Variants in KCNQ1 observed in about 807,000 individuals in gnomAD.
KCNQ1 encodes potassium voltage-gated channel subfamily Q member 1.
A neutral mutation model predicts 72.4 loss-of-function variants in KCNQ1; 49 were observed. That is an observed-to-expected ratio of 0.68 (90% CI 0.54 to 0.86). The LOEUF is 0.86. Ranked by LOEUF, KCNQ1 falls within the 40% of genes least tolerant of loss-of-function variation. The probability of loss-of-function intolerance (pLI) is 0.00; values close to 1 mark genes in which losing one functional copy is unlikely to be tolerated. For missense variants in KCNQ1, 790 were observed against 945.1 expected (o/e 0.84, Z 2.15); for synonymous variants, 450 against 412.6 (o/e 1.09, Z -1.10).
At chr11:2,539,093 G>A (rs1266859912) in intron 2 of KCNQ1, among the ~76,000 whole-genome samples, 1 of 152,178 alleles carries the variant, frequency 6.6e-6, no homozygotes, top group Non-Finnish European at 1.5e-5. Context: ...GGGCAGCCGA[G>A]GCATGAGTGG....
chr11:2,739,158 T>A (rs1210736141), intron 11 of KCNQ1, among the ~76,000 whole-genome samples: 2 of 152,182 alleles, frequency 1.3e-5, no homozygotes, highest in Non-Finnish European at 2.9e-5. Flanking sequence ...GTACCCCACA[T>A]GTGTGCCCAG....
At chr11:2,597,516 G>C (rs1038713341) in intron 10 of KCNQ1, among the ~76,000 whole-genome samples, 2 of 152,084 alleles carry the variant, frequency 1.3e-5, no homozygotes, top group African/African-American at 4.8e-5. Flanking sequence ...ACTGATGCAG[G>C]ACATCCCTGA....
intron 10 of KCNQ1, chr11:2,656,139 C>T (rs901915554): frequency 2.5e-6 from 1 of 398,522 alleles, no homozygotes; most frequent in African/African-American, 2.1e-5. Context: ...ATCGTTCCTT[C>T]TACATACAAG....
rs906424215 is a variant in KCNQ1, at chr11:2,484,023, G to T, written c.386+38539G>T. ...TATTTCCCACTTTCTTTCTATGTTTGTTAATTTGGATTCTTCTCCAGGAAG... is the reference window on the plus strand; with the variant it reads ...TATTTCCCACTTTCTTTCTATGTTTTTTAATTTGGATTCTTCTCCAGGAAG... On this transcript the variant is annotated intron_variant, in intron 1 of 15. Transcript: ENST00000155840. The surrounding 1 kb of genome is among the most constrained non-coding windows in gnomAD (Gnocchi z 5.2). Among the ~76,000 whole-genome samples the T allele has an allele frequency of 9.2e-5, 14 of 152,110 alleles. No homozygotes were observed. The highest frequency in any genetic ancestry group is 1.8e-4 in the Non-Finnish European group (12 of 68,028).
chr11:2,605,467 T>A (rs1049339253), intron 10 of KCNQ1, among the ~76,000 whole-genome samples: 2 of 152,230 alleles, frequency 1.3e-5, no homozygotes, highest in Non-Finnish European at 2.9e-5. Flanking sequence ...TTAATTTTTA[T>A]ATATGATGTG....
At chr11:2,571,219 G>C in intron 3 of KCNQ1, 106 bp from the exon 4 acceptor site, 1 of 932,374 alleles carries the variant, frequency 1.1e-6, no homozygotes, top group Non-Finnish European at 1.8e-6. Context: ...GGCGTGACCC[G>C]TCTGACCAGC....
chr11:2,665,290 CAT>C, intron 11 of KCNQ1: 1 of 398,472 alleles, frequency 2.5e-6, no homozygotes, highest in Non-Finnish European at 4.4e-6. Flanking sequence ...CACCCAGAAC[CAT>C]ATGACAGGGC....
At chr11:2,628,509 G>A (rs1849297014) in intron 10 of KCNQ1, 1 of 398,216 alleles carries the variant, frequency 2.5e-6, no homozygotes, top group African/African-American at 2.1e-5. Context: ...TTTTTTGCTA[G>A]TTATATGAGT....
At chr11:2,460,680 G>A (rs1053001736) in intron 1 of KCNQ1, among the ~76,000 whole-genome samples, 12 of 152,222 alleles carry the variant, frequency 7.9e-5, no homozygotes, top group African/African-American at 2.2e-4. Flanking sequence ...GCTGGGGAAC[G>A]CTGGGGACTC....
chr11:2,478,954 C>T lies in KCNQ1; in HGVS notation c.386+33470C>T, dbSNP rs1052241685. 3.9e-5 allele frequency among the ~76,000 whole-genome samples: 6 copies of T among 152,198 alleles called. No individual in the cohort carries two copies. Among genetic ancestry groups the T allele is most frequent in the South Asian group, 2.1e-4 (1 of 4,834 alleles). Reference sequence around the variant, plus strand: ...TTGAAATGGGAGTAATTGGCCAAAACGAAGGGGCTAAAGGCCCCATGCAAG... The same window carrying T: ...TTGAAATGGGAGTAATTGGCCAAAATGAAGGGGCTAAAGGCCCCATGCAAG... On this transcript the variant is annotated intron_variant, in intron 1 of 15. Transcript: ENST00000155840. The surrounding 1 kb of genome is among the most constrained non-coding windows in gnomAD (Gnocchi z 4.0).
chr11:2,808,865 A>AATGG lies in KCNQ1; in HGVS notation c.1794+30840_1794+30843dup, dbSNP rs751566224. ...TGTATGGAGGATTAGGGGAGGGATA[A>AATGG]ATGGATGGATGGATGAACACATGGA... On this transcript the variant is annotated intron_variant, in intron 15 of 15. Coordinates refer to ENST00000155840, the MANE Select transcript of KCNQ1 (RefSeq NM_000218.3). This position sits in a 1 kb window ranked among gnomAD's most constrained non-coding sequence, Gnocchi z 6.0. Among the ~76,000 whole-genome samples the AATGG allele has an allele frequency of 2.0e-5, 3 of 152,102 alleles. No homozygotes were observed. Among genetic ancestry groups the AATGG allele is most frequent in the Non-Finnish European group, 4.4e-5 (3 of 68,032 alleles).
chr11:2,452,415 A>G (rs1846130052), intron 1 of KCNQ1, among the ~76,000 whole-genome samples: 1 of 152,112 alleles, frequency 6.6e-6, no homozygotes, highest in African/African-American at 2.4e-5. Context: ...TGTGTCCTCG[A>G]CTTCCACGCA....
chr11:2,781,575 T>G lies in KCNQ1; in HGVS notation c.1794+3538T>G, dbSNP rs1846823261. Among the ~76,000 whole-genome samples the G allele has an allele frequency of 6.6e-6, 1 of 152,172 alleles. No individual in the cohort carries two copies. Among genetic ancestry groups the G allele is most frequent in the South Asian group, 2.1e-4 (1 of 4,836 alleles). ...TCCCACACAGGGCTGGCAGTCTGTG[T>G]GGGGGCTGCATACCCCAGACATTCT... On this transcript the variant is annotated intron_variant, in intron 15 of 15. Transcript: ENST00000155840. The surrounding 1 kb of genome is among the most constrained non-coding windows in gnomAD (Gnocchi z 6.6).
In KCNQ1 at chr11:2,564,102, C is replaced by T. The variant is rs575737907; in HGVS notation, c.478-6526C>T. The stretch of plus-strand genomic sequence containing the variant: ...TTTCAGTATCAGAGAACACACATAA[C>T]GTAAAATTCACCATTTCAGCCATTT... On this transcript the variant is annotated intron_variant, in intron 2 of 15. Coordinates refer to ENST00000155840, the MANE Select transcript of KCNQ1 (RefSeq NM_000218.3). This position sits in a 1 kb window ranked among gnomAD's most constrained non-coding sequence, Gnocchi z 4.5. Among the ~76,000 whole-genome samples the T allele has an allele frequency of 2.2e-3, 334 of 152,346 alleles. 10 individuals carry two copies. Among genetic ancestry groups the T allele is most frequent in the Admixed American group, 0.018 (281 of 15,312 alleles).
intron 10 of KCNQ1, among the ~76,000 whole-genome samples, chr11:2,591,722 C>G (rs778297437): frequency 7.2e-5 from 11 of 152,244 alleles, no homozygotes; most frequent in African/African-American, 9.6e-5. Context: ...GGGGCAAGTG[C>G]GGAGAAAGTC....
At chr11:2,777,700 G>A in intron 14 of KCNQ1, 1 of 601,890 alleles carries the variant, frequency 1.7e-6, no homozygotes, top group Non-Finnish European at 3.0e-6. Context: ...AGCTGGCAGT[G>A]TGGCCAGCTT....
rs961866068 is a variant in KCNQ1, at chr11:2,559,799, G to T, written c.478-10829G>T. Among the ~76,000 whole-genome samples, 8 of 152,056 alleles carry T rather than the reference G, an allele frequency of 5.3e-5. No homozygotes were observed. The highest frequency in any genetic ancestry group is 1.9e-4 in the African/African-American group (8 of 41,412). ...AGAGATGGCCGCCAGCTGTGGGAAG[G>T]CCTGTGGCTAGGGCTCTGCTGCCTG... is the stretch of plus-strand genomic sequence containing the variant. On this transcript the variant is annotated intron_variant, in intron 2 of 15. Transcript: ENST00000155840. The surrounding 1 kb of genome is among the most constrained non-coding windows in gnomAD (Gnocchi z 4.9).
Position 2,645,649 on chromosome 11 carries a change from C to A in KCNQ1, c.1394-16312C>A, listed in dbSNP as rs551695922. The A allele has an allele frequency of 5.0e-6, 2 of 398,672 alleles. No individual in the cohort carries two copies. Among genetic ancestry groups the A allele is most frequent in the Non-Finnish European group, 4.4e-6 (1 of 226,194 alleles). The allele number at this position is 398,672 out of a possible 1,614,324, so 24.7% of individuals were successfully genotyped here. ...ACCTTTCCTCATGGCAGCCTTGCTT[C>A]GGAGGTAGCAGAGTATTGCCAATGG... On this transcript the variant is annotated intron_variant, in intron 10 of 15. Transcript: ENST00000155840. This position sits in a 1 kb window ranked among gnomAD's most constrained non-coding sequence, Gnocchi z 5.8.
At chr11:2,501,557 C>T (rs973677467) in intron 1 of KCNQ1, among the ~76,000 whole-genome samples, 19 of 151,908 alleles carry the variant, frequency 1.3e-4, no homozygotes, top group African/African-American at 4.6e-4. Context: ...ACAAAGAAAA[C>T]CCTGAGACTT....
Sources: allele counts gnomAD v4.1 joint callset (sites outside exome capture counted in the v4.1 genomes callset), GRCh38; gene constraint gnomAD v4.1.1; non-coding constraint Gnocchi (gnomAD v3.1); transcripts MANE v1.5; gene names NCBI Gene and HGNC (gene_info 2026-07-23, HGNC 2026-07-21).